PDE8A: variants seen among roughly 807,000 people sequenced by gnomAD.
PDE8A encodes phosphodiesterase 8A.
Under a neutral mutation model 105.0 loss-of-function variants are expected in PDE8A, and 59 were observed. The observed-to-expected ratio is 0.56, with a 90% CI of 0.46 to 0.70. The LOEUF (loss-of-function observed/expected upper bound fraction) is 0.70. Ranked by LOEUF, PDE8A falls within the 30% of genes least tolerant of loss-of-function variation. The pLI is 0.00. For missense variants in PDE8A, 1,014 were observed against 1,045.9 expected (o/e 0.97, Z 0.42); for synonymous variants, 355 against 371.9 (o/e 0.95, Z 0.52).
chr15:85,036,514 C>CA (rs1477048386), intron 1 of PDE8A, among the ~76,000 whole-genome samples: 10 of 152,118 alleles, frequency 6.6e-5, no homozygotes, highest in African/African-American at 2.4e-4. Flanking sequence ...CATTAGTGCT[C>CA]AGAGAGTAAA....
intron 3 of PDE8A, among the ~76,000 whole-genome samples, chr15:85,074,809 C>A (rs942820849): frequency 7.9e-5 from 12 of 152,226 alleles, no homozygotes; most frequent in African/African-American, 2.7e-4. Flanking sequence ...AGAAGTGGCT[C>A]TATACCTTGA....
chr15:84,996,816 ACT>A (rs1251113652), intron 1 of PDE8A, among the ~76,000 whole-genome samples: 3 of 100,304 alleles, frequency 3.0e-5, no homozygotes, highest in African/African-American at 1.2e-4. Flanking sequence ...ACAGAGCAAG[ACT>A]CTCTCAAAAA....
At chr15:85,047,157 A>G (rs1241297576) in intron 1 of PDE8A, among the ~76,000 whole-genome samples, 2 of 152,228 alleles carry the variant, frequency 1.3e-5, no homozygotes, top group Admixed American at 6.5e-5. Context: ...TTTATTTGAA[A>G]TGATTATTCC....
At chr15:85,013,176 A>G (rs1193165052) in intron 1 of PDE8A, among the ~76,000 whole-genome samples, 1 of 152,208 alleles carries the variant, frequency 6.6e-6, no homozygotes, top group Non-Finnish European at 1.5e-5. Flanking sequence ...GGAAGGTAGT[A>G]TTTACATACA....
At chr15:85,056,102 A>G (rs1233467905) in intron 1 of PDE8A, among the ~76,000 whole-genome samples, 1 of 152,034 alleles carries the variant, frequency 6.6e-6, no homozygotes, top group Non-Finnish European at 1.5e-5. Context: ...TTCTGGGTTG[A>G]AAATTCTTTT....
intron 9 of PDE8A, 100 bp from the exon 10 acceptor site, chr15:85,099,915 A>C (rs1391147963): frequency 1.2e-6 from 1 of 868,436 alleles, no homozygotes; most frequent in Non-Finnish European, 1.9e-6. Flanking sequence ...CGTTTTGTGT[A>C]TTGCAAAAGG....
Position 85,068,868 on chromosome 15 carries a change from G to A in PDE8A, c.434+1664G>A, listed in dbSNP as rs1276493508. On this transcript the variant is annotated intron_variant, in intron 3 of 21. Coordinates refer to ENST00000394553, the MANE Select transcript of PDE8A (RefSeq NM_002605.3). Reference sequence around the variant, plus strand: ...AGAAAATTTAAATTGTGTTGGTTACGCTCCACTGTTAAAAATTGTGGTAAA... The same window carrying A: ...AGAAAATTTAAATTGTGTTGGTTACACTCCACTGTTAAAAATTGTGGTAAA... 3.3e-5 allele frequency among the ~76,000 whole-genome samples: 5 copies of A among 152,092 alleles called. 1 individual carries two copies. Among genetic ancestry groups the A allele is most frequent in the African/African-American group, 1.2e-4 (5 of 41,408 alleles).
intron 18 of PDE8A, among the ~76,000 whole-genome samples, chr15:85,122,392 T>A (rs1335848216): frequency 6.6e-6 from 1 of 152,206 alleles, no homozygotes; most frequent in East Asian, 1.9e-4. Context: ...AAGAGGATTT[T>A]TGATTTTGTA....
chr15:85,072,989 C>T (rs2081333982), intron 3 of PDE8A, among the ~76,000 whole-genome samples: 1 of 152,060 alleles, frequency 6.6e-6, no homozygotes, highest in Admixed American at 6.5e-5. Flanking sequence ...TGGCACTTGC[C>T]TGTAGTCCCA....
chr15:84,993,442 CAAAAAA>C (rs11362736), intron 1 of PDE8A, among the ~76,000 whole-genome samples: 5 of 73,116 alleles, frequency 6.8e-5, no homozygotes, highest in Non-Finnish European at 1.3e-4. Flanking sequence ...GACTCCATCT[CAAAAAA>C]AAAAAAAAAA....
intron 1 of PDE8A, among the ~76,000 whole-genome samples, chr15:85,013,520 C>A (rs148424851): frequency 6.6e-6 from 1 of 152,082 alleles, no homozygotes; most frequent in East Asian, 1.9e-4. Flanking sequence ...TATGTGTTTG[C>A]CAGAATAAAG....
chr15:85,083,794 T>C, intron 6 of PDE8A, 150 bp downstream of exon 6: 1 of 593,466 alleles, frequency 1.7e-6, no homozygotes, highest in East Asian at 2.8e-5. Flanking sequence ...ACAGACTTTC[T>C]GGAGTCTGCC....
At chr15:85,022,431 T>G (rs1439530471) in intron 1 of PDE8A, among the ~76,000 whole-genome samples, 2 of 151,316 alleles carry the variant, frequency 1.3e-5, no homozygotes, top group African/African-American at 4.8e-5. Flanking sequence ...GAAGTGTTTT[T>G]TTTTTTTTTT....
intron 1 of PDE8A, among the ~76,000 whole-genome samples, chr15:85,015,096 T>C (rs1341431704): frequency 6.6e-6 from 1 of 152,230 alleles, no homozygotes; most frequent in Non-Finnish European, 1.5e-5. Flanking sequence ...GTTTTATTAA[T>C]AGTTTGAATC....
intron 11 of PDE8A, among the ~76,000 whole-genome samples, chr15:85,103,225 A>G (rs74869051): frequency 6.6e-6 from 1 of 152,222 alleles, no homozygotes. Flanking sequence ...GTCTAAAAAA[A>G]GAAAAAAGTT....
intron 1 of PDE8A, among the ~76,000 whole-genome samples, chr15:85,015,876 C>T (rs897487947): frequency 6.6e-6 from 1 of 152,150 alleles, no homozygotes; most frequent in Non-Finnish European, 1.5e-5. Context: ...GCGGCTCACA[C>T]TTGTAATCCC....
chr15:85,084,954 G>A (rs777898416), intron 6 of PDE8A, among the ~76,000 whole-genome samples: 11 of 152,114 alleles, frequency 7.2e-5, no homozygotes, highest in Non-Finnish European at 1.2e-4. Context: ...CATCTCTACT[G>A]CTACTCTTAG....
At chr15:84,999,677 C>A (rs1469348282) in intron 1 of PDE8A, among the ~76,000 whole-genome samples, 1 of 152,106 alleles carries the variant, frequency 6.6e-6, no homozygotes, top group Non-Finnish European at 1.5e-5. Flanking sequence ...CGGGTTCAAG[C>A]GATTCTCCTT....
intron 2 of PDE8A, among the ~76,000 whole-genome samples, chr15:85,065,145 G>A (rs913983769): frequency 6.6e-6 from 1 of 152,076 alleles, no homozygotes; most frequent in African/African-American, 2.4e-5. Flanking sequence ...TCACGTTTCT[G>A]TAGATTTGAA....
Sources: gnomAD v4.1 joint callset for allele counts (sites outside exome capture counted in the v4.1 genomes callset) on GRCh38, gnomAD v4.1.1 for gene constraint, MANE v1.5 for transcripts, NCBI Gene and HGNC (gene_info 2026-07-23, HGNC 2026-07-21) for gene names.